Variants in SH2D4B observed in about 807,000 individuals in gnomAD.
The protein encoded by SH2D4B is SH2 domain containing 4B, also known as SH2 domain-containing protein 4B.
A neutral mutation model predicts 61.5 loss-of-function variants in SH2D4B; 45 were observed. The ratio of observed to expected loss-of-function variants is 0.73; its 90% CI spans 0.58 to 0.94. The LOEUF (loss-of-function observed/expected upper bound fraction) is 0.94, where lower values mean the gene tolerates loss of function less well. Among genes scored for constraint, SH2D4B ranks in the 40% least tolerant of loss-of-function variants. The pLI, the probability that SH2D4B is intolerant of heterozygous loss-of-function variation, is 0.00. For synonymous variants in SH2D4B, 224 were observed against 220.4 expected, an observed-to-expected ratio of 1.02 and a Z score of -0.14; for missense variants, 572 against 574.2, an observed-to-expected ratio of 1.00 and a Z score of 0.04.
intron 3 of SH2D4B, among the ~76,000 whole-genome samples, chr10:80,580,674 G>A (rs1842176660): frequency 6.6e-6 from 1 of 152,038 alleles, no homozygotes. Flanking sequence ...TTGCTTAGGG[G>A]GCCTAGGATT....
At chr10:80,608,163 A>G (rs1278626526) in intron 5 of SH2D4B, among the ~76,000 whole-genome samples, 3 of 152,214 alleles carry the variant, frequency 2.0e-5, no homozygotes, top group East Asian at 1.9e-4. Context: ...GAGAACCTCA[A>G]TTTGCTCTGG....
chr10:80,637,846 G>A (rs139682245), intron 7 of SH2D4B, among the ~76,000 whole-genome samples: 179 of 152,288 alleles, frequency 1.2e-3, no homozygotes, highest in African/African-American at 3.9e-3. Flanking sequence ...GTGAGAGAGG[G>A]CATCCCTGTT....
chr10:80,555,346 A>G (rs1043738081), intron 1 of SH2D4B, among the ~76,000 whole-genome samples: 1 of 150,634 alleles, frequency 6.6e-6, no homozygotes, highest in African/African-American at 2.4e-5. Flanking sequence ...CTCCCCGCCT[A>G]CTGTTCACAT....
At chr10:80,548,619 T>C (rs1841712189) in intron 1 of SH2D4B, among the ~76,000 whole-genome samples, 1 of 152,196 alleles carries the variant, frequency 6.6e-6, no homozygotes, top group African/African-American at 2.4e-5. Flanking sequence ...CCAACAGTTT[T>C]TGGAAGAATT....
chr10:80,635,557 C>T (rs543460327), intron 7 of SH2D4B, among the ~76,000 whole-genome samples: 36 of 152,268 alleles, frequency 2.4e-4, no homozygotes, highest in African/African-American at 8.4e-4. Flanking sequence ...TGGAGAATCA[C>T]CTATTCACAG....
intron 6 of SH2D4B, among the ~76,000 whole-genome samples, chr10:80,618,757 C>T (rs1156763638): frequency 6.6e-6 from 1 of 152,128 alleles, no homozygotes; most frequent in Non-Finnish European, 1.5e-5. Flanking sequence ...AGTGAAACGT[C>T]GTGGCTGGCC....
At chr10:80,543,428 C>T (rs558604386) in intron 1 of SH2D4B, among the ~76,000 whole-genome samples, 7 of 152,294 alleles carry the variant, frequency 4.6e-5, no homozygotes, top group South Asian at 2.1e-4. Flanking sequence ...AATTTCTCAC[C>T]GGGCCTTAGC....
intron 7 of SH2D4B, among the ~76,000 whole-genome samples, chr10:80,636,877 G>A (rs1840184727): frequency 1.3e-5 from 2 of 152,160 alleles, no homozygotes; most frequent in Non-Finnish European, 2.9e-5. Context: ...CCTATGTCCT[G>A]AATGGTATTG....
At position 80,634,228 on chromosome 10, in the gene SH2D4B, G is replaced by T. The variant is rs1025967395; in HGVS notation, c.989-57G>T. 26 of 1,473,508 alleles carry T rather than the reference G, an allele frequency of 1.8e-5. No homozygotes were observed. The Admixed American group carries it at 4.6e-4, about 26-fold the overall frequency. 91.3% of individuals were successfully genotyped at this position (1,473,508 alleles called of 1,614,324 possible). A position where few individuals can be genotyped will look rare whatever the true frequency, so the allele number is the denominator to read the frequency against. On this transcript the variant is annotated intron_variant, in intron 6 of 7. Coordinates refer to ENST00000646907, the MANE Select transcript of SH2D4B (RefSeq NM_001388272.1). ...GGGGCAGGGAGGAGTGGAGAATCGT[G>T]GGGGAGGCAGTCGCAGAACCTGCTG...
chr10:80,615,496 C>T (rs142390045), intron 6 of SH2D4B, among the ~76,000 whole-genome samples: 2 of 152,350 alleles, frequency 1.3e-5, no homozygotes, highest in African/African-American at 2.4e-5. Flanking sequence ...CTTTTAGGCT[C>T]GGCCTGGGTT....
intron 6 of SH2D4B, among the ~76,000 whole-genome samples, chr10:80,632,528 G>A (rs1055767141): frequency 2.6e-5 from 4 of 152,134 alleles, no homozygotes; most frequent in Admixed American, 1.3e-4. Flanking sequence ...CCCTAGCCCC[G>A]CTACCATATC....
chr10:80,562,810 A>T (rs1841916409), intron 1 of SH2D4B, among the ~76,000 whole-genome samples: 1 of 151,400 alleles, frequency 6.6e-6, no homozygotes, highest in African/African-American at 2.4e-5. Flanking sequence ...TTTTGATAAT[A>T]GCCATTCTTA....
chr10:80,542,267 T>C (rs530861340), intron 1 of SH2D4B, among the ~76,000 whole-genome samples: 18 of 152,080 alleles, frequency 1.2e-4, no homozygotes, highest in Admixed American at 2.6e-4. Context: ...CCCTGTGGAC[T>C]CCTCTCTGCT....
chr10:80,634,066 C>T (rs1188106885), intron 6 of SH2D4B, among the ~76,000 whole-genome samples: 1 of 152,204 alleles, frequency 6.6e-6, no homozygotes, highest in Non-Finnish European at 1.5e-5. Context: ...AACTCTGCCC[C>T]CAGGCTCACG....
At chr10:80,568,046 C>T (rs1841993104) in intron 1 of SH2D4B, among the ~76,000 whole-genome samples, 1 of 152,022 alleles carries the variant, frequency 6.6e-6, no homozygotes, top group Non-Finnish European at 1.5e-5. Flanking sequence ...ACCTGAAGGA[C>T]ATCTTCCTTG....
intron 5 of SH2D4B, among the ~76,000 whole-genome samples, chr10:80,604,328 C>T (rs970424628): frequency 6.6e-6 from 1 of 152,168 alleles, no homozygotes; most frequent in African/African-American, 2.4e-5. Flanking sequence ...TTGGCAAGGG[C>T]ACTTAGGTGA....
chr10:80,644,085 A>AT lies in SH2D4B; in HGVS notation c.*7dup. On this transcript the variant is annotated 3_prime_UTR_variant, in exon 8 of 8. Transcript: ENST00000646907. ...CAGACTACCATCTGTTGTTTGAATA[A>AT]TTTTTTTCCTTATCAATTGGATTCA... is the stretch of plus-strand genomic sequence containing the variant. 1.2e-6 allele frequency: 2 copies of AT among 1,612,834 alleles called. No homozygotes were observed. Among genetic ancestry groups the AT allele is most frequent in the Non-Finnish European group, 1.7e-6 (2 of 1,179,210 alleles).
At chr10:80,548,926 T>G (rs1444387838) in intron 1 of SH2D4B, among the ~76,000 whole-genome samples, 1 of 152,196 alleles carries the variant, frequency 6.6e-6, no homozygotes, top group Non-Finnish European at 1.5e-5. Flanking sequence ...CTTTTACTTT[T>G]TAGGATATAT....
chr10:80,622,653 T>A (rs536147699), intron 6 of SH2D4B, among the ~76,000 whole-genome samples: 37 of 152,332 alleles, frequency 2.4e-4, no homozygotes, highest in African/African-American at 7.9e-4. Flanking sequence ...CTCCTTGCAC[T>A]CACCCAGGGT....
Sources: gnomAD v4.1 joint callset for allele counts (sites outside exome capture counted in the v4.1 genomes callset) on GRCh38, gnomAD v4.1.1 for gene constraint, MANE v1.5 for transcripts, NCBI Gene and HGNC (gene_info 2026-07-23, HGNC 2026-07-21) for gene names.